CNTNAP3B: variants seen among roughly 807,000 people sequenced by gnomAD.
The protein encoded by CNTNAP3B is contactin-associated protein-like 3B.
Under a neutral mutation model 108.9 loss-of-function variants are expected in CNTNAP3B, and 25 were observed. The ratio of observed to expected loss-of-function variants is 0.23; its 90% CI spans 0.17 to 0.32. The LOEUF is 0.32. CNTNAP3B is among the 10% of genes least tolerant of loss of function. CNTNAP3B has a pLI of 1.00. For synonymous variants in CNTNAP3B, 103 were observed against 473.4 expected (o/e 0.22, Z 10.16); for missense variants, 252 against 1,210.4 (o/e 0.21, Z 11.75).
At chr9:42,076,427 TAAA>T (rs1186980537) in intron 3 of CNTNAP3B, among the ~76,000 whole-genome samples, 4 of 104,212 alleles carry the variant, frequency 3.8e-5, no homozygotes, top group East Asian at 3.0e-4. Context: ...ACTCTGTCTC[TAAA>T]AAAAAAAAAA....
intron 1 of CNTNAP3B, among the ~76,000 whole-genome samples, chr9:42,112,847 A>G (rs1241228210): frequency 7.8e-6 from 1 of 127,698 alleles, no homozygotes; most frequent in Admixed American, 8.0e-5. Context: ...ACAAATGAAG[A>G]CCTAGAGGAA....
At position 41,953,308 on chromosome 9, in the gene CNTNAP3B, A is replaced by T. The variant is rs62536501; in HGVS notation, c.1955T>A (p.Leu652His). 7.9e-6 allele frequency: 12 copies of T among 1,521,258 alleles called. No individual in the cohort carries two copies. Among genetic ancestry groups the T allele is most frequent in the African/African-American group, 7.0e-5 (5 of 71,398 alleles). The allele number at this position is 1,521,258 out of a possible 1,614,324, so 94.2% of individuals were successfully genotyped here. The change falls in exon 13 of 24, where the codon CTC (leucine) becomes CAC (histidine). Residue 652 changes from leucine (L) to histidine (H), a missense_variant. By Grantham distance (99) the Leu-to-His change is moderately conservative. Transcript: ENST00000377561. ...TLRGAPSGHPLSAVSFAYAAG... is the reference protein window; with the variant it reads ...TLRGAPSGHPHSAVSFAYAAG... ...TGCGTACGCGAAGGACACAGCCGAG[A>T]GCGGGTGCCCGCTGGGGGCACCTCG...
At chr9:42,107,855 G>A (rs1462837754) in intron 1 of CNTNAP3B, among the ~76,000 whole-genome samples, 1 of 129,484 alleles carries the variant, frequency 7.7e-6, no homozygotes, top group Non-Finnish European at 1.6e-5. Flanking sequence ...CGTGCCCATA[G>A]TCCCAGCTTC....
At chr9:41,986,446 A>C in intron 8 of CNTNAP3B, 135 bp from the exon 9 acceptor site, 1 of 1,065,546 alleles carries the variant, frequency 9.4e-7, no homozygotes. Flanking sequence ...TGAAAAAAAC[A>C]TTAACCACCT....
intron 3 of CNTNAP3B, among the ~76,000 whole-genome samples, chr9:42,019,758 C>T (rs1826275575): frequency 8.9e-6 from 1 of 111,852 alleles, no homozygotes; most frequent in African/African-American, 3.6e-5. Flanking sequence ...GAGACTCTAT[C>T]TCAAAAAAAA....
intron 13 of CNTNAP3B, among the ~76,000 whole-genome samples, chr9:41,945,457 T>A (rs1193842143): frequency 2.0e-5 from 3 of 152,306 alleles, no homozygotes; most frequent in Non-Finnish European, 4.4e-5. Context: ...TGAGTTCATG[T>A]CCTTTGTAGG....
intron 1 of CNTNAP3B, among the ~76,000 whole-genome samples, chr9:42,117,074 T>C (rs137996665): frequency 0.021 from 2,956 of 138,514 alleles, 446 homozygotes; most frequent in Non-Finnish European, 0.033. Context: ...ACAATAATAA[T>C]GGGAGATTTT....
At position 42,086,350 on chromosome 9, in the gene CNTNAP3B, T is replaced by A. The variant is rs1195487826; in HGVS notation, c.197-9288A>T. On this transcript the variant is annotated intron_variant, in intron 2 of 23. Transcript: ENST00000377561. ...TCTGAGTGGGGACACAGCCAAACCA[T>A]ATCATCTACTATGAATAATGTTGCT... 1.5e-5 allele frequency among the ~76,000 whole-genome samples: 2 copies of A among 135,762 alleles called. 1 individual carries two copies. Among genetic ancestry groups the A allele is most frequent in the Admixed American group, 1.5e-4 (2 of 13,638 alleles). 89.1% of individuals were successfully genotyped at this position (135,762 alleles called of 152,430 possible). A position where few individuals can be genotyped will look rare whatever the true frequency, so the allele number is the denominator to read the frequency against.
rs1478285286 is a variant in CNTNAP3B, at chr9:42,026,568, G to A, written c.391-13043C>T. The stretch of plus-strand genomic sequence containing the variant: ...CTCCACGGCACGGCACTCCAGCCCG[G>A]GCGACAGAGTGAGCCTCCGTCTCAG... On this transcript the variant is annotated intron_variant, in intron 3 of 23. Coordinates refer to ENST00000377561, the MANE Select transcript of CNTNAP3B (RefSeq NM_001201380.3). Among the ~76,000 whole-genome samples, 2 of 93,224 alleles carry A rather than the reference G, an allele frequency of 2.1e-5. 1 individual carries two copies. The highest frequency in any genetic ancestry group is 8.3e-5 in the African/African-American group (2 of 24,112). The allele number at this position is 93,224 out of a possible 152,430, so 61.2% of individuals were successfully genotyped here.
intron 16 of CNTNAP3B, among the ~76,000 whole-genome samples, chr9:41,923,504 G>GT (rs1823724349): frequency 6.6e-6 from 1 of 152,240 alleles, no homozygotes; most frequent in African/African-American, 2.4e-5. Flanking sequence ...GTTCACACCT[G>GT]TAATCCCAGC....
At chr9:42,095,729 G>A (rs181243200) in intron 2 of CNTNAP3B, among the ~76,000 whole-genome samples, 1 of 138,686 alleles carries the variant, frequency 7.2e-6, no homozygotes, top group Non-Finnish European at 1.5e-5. Context: ...TAAGGGATAA[G>A]CCTGTCAGTT....
intron 13 of CNTNAP3B, among the ~76,000 whole-genome samples, chr9:41,947,581 G>A (rs1468253360): frequency 2.0e-5 from 3 of 152,118 alleles, no homozygotes; most frequent in East Asian, 3.8e-4. Flanking sequence ...GCCTACATTA[G>A]GAAAGAAGAA....
chr9:42,109,328 A>G (rs1414127525), intron 1 of CNTNAP3B, among the ~76,000 whole-genome samples: 3 of 148,268 alleles, frequency 2.0e-5, no homozygotes, highest in Non-Finnish European at 4.4e-5. Context: ...CCAGCCTCTG[A>G]AAGAGCAAAC....
chr9:41,918,986 G>GT, intron 18 of CNTNAP3B, among the ~76,000 whole-genome samples: 1 of 152,228 alleles, frequency 6.6e-6, no homozygotes. Context: ...GCTAAAAATA[G>GT]TAAGTGTAAC....
At chr9:41,969,023 C>A (rs1475291952) in intron 10 of CNTNAP3B, among the ~76,000 whole-genome samples, 13 of 152,402 alleles carry the variant, frequency 8.5e-5, no homozygotes, top group Admixed American at 4.6e-4. Flanking sequence ...GTCTCGATCT[C>A]CTGACCTCGT....
At chr9:41,919,209 A>G (rs1388709055) in intron 18 of CNTNAP3B, among the ~76,000 whole-genome samples, 2 of 151,736 alleles carry the variant, frequency 1.3e-5, no homozygotes, top group African/African-American at 4.9e-5. Flanking sequence ...ATCTCGACTC[A>G]CTGCAACCTC....
At chr9:42,055,077 T>C (rs1827037605) in intron 3 of CNTNAP3B, among the ~76,000 whole-genome samples, 1 of 139,994 alleles carries the variant, frequency 7.1e-6, no homozygotes, top group Non-Finnish European at 1.5e-5. Flanking sequence ...CCTGGAGAAA[T>C]TTCAATGGGA....
chr9:41,923,739 G>C (rs1823731072), intron 16 of CNTNAP3B, 184 bp downstream of exon 16: 1 of 1,189,930 alleles, frequency 8.4e-7, no homozygotes, highest in African/African-American at 1.6e-5. Flanking sequence ...TCCAGCATGA[G>C]TGACACAGCA....
intron 13 of CNTNAP3B, among the ~76,000 whole-genome samples, chr9:41,941,133 T>G: frequency 6.6e-6 from 1 of 151,082 alleles, no homozygotes; most frequent in Non-Finnish European, 1.5e-5. Context: ...TATTTCATTA[T>G]GAGAGTGAAG....
Sources: gnomAD v4.1 joint callset for allele counts (sites outside exome capture counted in the v4.1 genomes callset) on GRCh38, gnomAD v4.1.1 for gene constraint, MANE v1.5 for transcripts, NCBI Gene and HGNC (gene_info 2026-07-23, HGNC 2026-07-21) for gene names.